CREB5: variants seen among roughly 807,000 people sequenced by gnomAD.
The protein encoded by CREB5 is cyclic AMP-responsive element-binding protein 5.
In CREB5, 19 loss-of-function variants were observed where a neutral mutation model predicts 57.1. That is an observed-to-expected ratio of 0.33 (90% CI 0.23 to 0.49). The LOEUF (loss-of-function observed/expected upper bound fraction) is 0.49, where lower values mean the gene tolerates loss of function less well. Among genes scored for constraint, CREB5 ranks in the 20% least tolerant of loss-of-function variants. The probability of loss-of-function intolerance (pLI) is 0.99; values close to 1 mark genes in which losing one functional copy is unlikely to be tolerated. For missense variants in CREB5, 579 were observed against 671.6 expected, an observed-to-expected ratio of 0.86 and a Z score of 1.52; for synonymous variants, 238 against 238.3, an observed-to-expected ratio of 1.00 and a Z score of 0.01.
At chr7:28,572,531 G>GA (rs1795743954) in intron 5 of CREB5, among the ~76,000 whole-genome samples, 3 of 152,204 alleles carry the variant, frequency 2.0e-5, no homozygotes, top group Admixed American at 1.3e-4. Flanking sequence ...CTTTCAAGGG[G>GA]AAAAAACATA....
intron 1 of CREB5, among the ~76,000 whole-genome samples, chr7:28,449,132 T>C (rs1054573586): frequency 7.9e-5 from 12 of 152,250 alleles, no homozygotes; most frequent in African/African-American, 2.9e-4. Context: ...AAGTATATCA[T>C]ATGCCAAAGA....
chr7:28,765,478 T>C (rs571871158), intron 7 of CREB5, among the ~76,000 whole-genome samples: 2 of 152,350 alleles, frequency 1.3e-5, no homozygotes, highest in East Asian at 3.9e-4. Context: ...GGTATTCCTC[T>C]CTCAAGTGGA....
At chr7:28,318,403 A>G (rs1181218852) in intron 1 of CREB5, among the ~76,000 whole-genome samples, 1 of 152,278 alleles carries the variant, frequency 6.6e-6, no homozygotes, top group East Asian at 1.9e-4. Context: ...AAAAATGAAT[A>G]GGTGCTACTT....
At chr7:28,626,112 A>G (rs1259680152) in intron 5 of CREB5, among the ~76,000 whole-genome samples, 1 of 152,178 alleles carries the variant, frequency 6.6e-6, no homozygotes, top group Non-Finnish European at 1.5e-5. Flanking sequence ...TAACGTATGT[A>G]TTATTCACAT....
chr7:28,357,221 C>T (rs1262803267), intron 1 of CREB5, among the ~76,000 whole-genome samples: 1 of 152,214 alleles, frequency 6.6e-6, no homozygotes, highest in Non-Finnish European at 1.5e-5. Flanking sequence ...TGTCCAAATT[C>T]TACAGCACAT....
At chr7:28,738,391 G>A (rs777002120) in intron 7 of CREB5, among the ~76,000 whole-genome samples, 3 of 152,232 alleles carry the variant, frequency 2.0e-5, no homozygotes, top group South Asian at 2.1e-4. Flanking sequence ...GATGTGGTTC[G>A]GTCTCGAGGA....
intron 5 of CREB5, among the ~76,000 whole-genome samples, chr7:28,619,856 A>G (rs766929388): frequency 2.6e-5 from 4 of 152,218 alleles, no homozygotes; most frequent in South Asian, 2.1e-4. Context: ...GTCATGTGCC[A>G]AAGGTGAGAT....
chr7:28,303,397 G>A (rs1391697651), intron 1 of CREB5, among the ~76,000 whole-genome samples: 1 of 152,076 alleles, frequency 6.6e-6, no homozygotes, highest in Admixed American at 6.5e-5. Flanking sequence ...CAAGATAAAA[G>A]CAATAAAACA....
intron 5 of CREB5, among the ~76,000 whole-genome samples, chr7:28,607,516 AGGTG>A (rs1797185364): frequency 6.6e-6 from 1 of 152,198 alleles, no homozygotes; most frequent in South Asian, 2.1e-4. Flanking sequence ...CATAGGAGAA[AGGTG>A]TGTGTTTCAC....
chr7:28,638,553 C>T (rs1798519518), intron 5 of CREB5, among the ~76,000 whole-genome samples: 1 of 151,930 alleles, frequency 6.6e-6, no homozygotes, highest in South Asian at 2.1e-4. Flanking sequence ...TGTCATTTTG[C>T]CCAGGTTGAT....
At chr7:28,779,780 A>T (rs1274383960) in intron 7 of CREB5, among the ~76,000 whole-genome samples, 1 of 152,138 alleles carries the variant, frequency 6.6e-6, no homozygotes, top group African/African-American at 2.4e-5. Context: ...ACCCACCCAA[A>T]TTCCAAATTG....
chr7:28,743,351 G>A (rs1220544881), intron 7 of CREB5, among the ~76,000 whole-genome samples: 3 of 152,082 alleles, frequency 2.0e-5, no homozygotes, highest in Admixed American at 6.5e-5. Context: ...TGGGCAACCT[G>A]GTGAAACCTC....
At chr7:28,310,706 TATTC>T (rs1404044064) in intron 1 of CREB5, among the ~76,000 whole-genome samples, 1 of 152,264 alleles carries the variant, frequency 6.6e-6, no homozygotes, top group Non-Finnish European at 1.5e-5. Context: ...TTGCTTCATC[TATTC>T]AGTCCTGTCT....
chr7:28,658,953 G>GTATATATATATATATATATATATA (rs72106956), intron 5 of CREB5, among the ~76,000 whole-genome samples: 7 of 99,582 alleles, frequency 7.0e-5, no homozygotes, highest in African/African-American at 2.3e-4. Context: ...GTGTGTGTGT[G>GTATATATATATATATATATATATA]TATATATATA....
chr7:28,406,528 C>T (rs1405177008), intron 1 of CREB5, among the ~76,000 whole-genome samples: 2 of 152,306 alleles, frequency 1.3e-5, no homozygotes, highest in Middle Eastern at 3.4e-3. Context: ...AGCCAGTTTA[C>T]CTTGGTTCTG....
chr7:28,794,636 A>T (rs2128793686), intron 7 of CREB5, among the ~76,000 whole-genome samples: 1 of 151,978 alleles, frequency 6.6e-6, no homozygotes, highest in East Asian at 1.9e-4. Flanking sequence ...AGAAAATCAG[A>T]CCCCCAAAAA....
intron 1 of CREB5, among the ~76,000 whole-genome samples, chr7:28,477,621 T>C (rs1163281955): frequency 6.6e-6 from 1 of 152,202 alleles, no homozygotes; most frequent in Non-Finnish European, 1.5e-5. Context: ...TTGGACCTTT[T>C]GATGAATTGG....
chr7:28,753,994 A>C (rs1805133663), intron 7 of CREB5, among the ~76,000 whole-genome samples: 1 of 151,954 alleles, frequency 6.6e-6, no homozygotes, highest in Non-Finnish European at 1.5e-5. Context: ...TTAAAAAAAA[A>C]AAAACCTCCC....
intron 1 of CREB5, among the ~76,000 whole-genome samples, chr7:28,383,716 C>T (rs1260473362): frequency 2.0e-5 from 3 of 152,140 alleles, no homozygotes; most frequent in African/African-American, 7.2e-5. Context: ...ATGACCCAAT[C>T]GCCTCCCACC....
Sources: gnomAD v4.1 joint callset for allele counts (sites outside exome capture counted in the v4.1 genomes callset) on GRCh38, gnomAD v4.1.1 for gene constraint, MANE v1.5 for transcripts, NCBI Gene and HGNC (gene_info 2026-07-23, HGNC 2026-07-21) for gene names.